Variants in ANK1 observed in about 807,000 individuals in gnomAD.
ANK1 encodes the protein ankyrin-1.
A neutral mutation model predicts 210.4 loss-of-function variants in ANK1; 51 were observed. That is an observed-to-expected ratio of 0.24 (90% confidence interval 0.19 to 0.31). ANK1 has a LOEUF of 0.31. Ranked by LOEUF, ANK1 falls within the 10% of genes least tolerant of loss-of-function variation. The pLI is 1.00. For missense variants in ANK1, 2,051 were observed against 2,504.4 expected (o/e 0.82, Z 3.86); for synonymous variants, 967 against 1,025.9 (o/e 0.94, Z 1.10).
intron 1 of ANK1, chr8:41,829,935 C>CAAAAAAAAAAAAAAAAAA: frequency 1.4e-5 from 1 of 71,598 alleles, no homozygotes; most frequent in African/African-American, 4.6e-5. Context: ...GACTCTGTCT[C>CAAAAAAAAAAAAAAAAAA]AAAAAAAAAA....
chr8:41,693,992 C>T lies in ANK1; in HGVS notation c.3438G>A (p.Gly1146=), dbSNP rs759692522. ...AGGAAGGAGGTAGTGGGATCCGAAG[C>T]CCAATGGGGCGGTGGAACTTCCGGC... is the stretch of plus-strand genomic sequence containing the variant. The part of the protein sequence containing the change: ...PRRRKFHRPI[G]LRIPLPPSWT... The change falls in exon 29 of 43, where the codon GGG becomes GGA. Residue 1146 remains glycine (G), a synonymous_variant. Coordinates refer to ENST00000289734, the MANE Select transcript of ANK1 (RefSeq NM_000037.4). The T allele has an allele frequency of 6.2e-7, 1 of 1,614,128 alleles. No individual in the cohort carries two copies. Among genetic ancestry groups the T allele is most frequent in the Non-Finnish European group, 8.5e-7 (1 of 1,180,010 alleles).
rs753931863 is a variant in ANK1, at chr8:41,695,311, G to A, written c.2981C>T (p.Pro994Leu). 3.7e-6 allele frequency: 6 copies of A among 1,614,010 alleles called. No homozygotes were observed. The highest frequency in any genetic ancestry group is 1.7e-5 in the Admixed American group (1 of 60,024). The stretch of plus-strand genomic sequence containing the variant: ...TCCACGGCCATGGGAGGCAAAGTGC[G>A]GGATCTCCACGATTACAGGGCTGAG... ...QFLSPVIVEI[P>L]HFASHGRGDR... The change falls in exon 27 of 43, where the codon CCG becomes CTG. Residue 994 changes from proline to leucine, a missense_variant. Pro to Leu is a moderately conservative substitution (Grantham distance 98). Coordinates refer to ENST00000289734, the MANE Select transcript of ANK1 (RefSeq NM_000037.4).
At position 41,655,402 on chromosome 8, in the gene ANK1, A is replaced by G. The variant is rs1452634990; in HGVS notation, c.*388T>C. On this transcript the variant is annotated 3_prime_UTR_variant, in exon 43 of 43. Coordinates refer to ENST00000289734, the MANE Select transcript of ANK1 (RefSeq NM_000037.4). ...ACGAAGTCAAAACAATTTAAAAAAA[A>G]AACCCCAAAACCAAAACCCATCCCC... 1 of 312,094 alleles carries G rather than the reference A, an allele frequency of 3.2e-6. No individual in the cohort carries two copies. The highest frequency in any genetic ancestry group is 5.9e-6 in the Non-Finnish European group (1 of 170,016). The allele number at this position is 312,094 out of a possible 1,614,324, so 19.3% of individuals were successfully genotyped here. A position where few individuals can be genotyped will look rare whatever the true frequency, so the allele number is the denominator to read the frequency against.
At chr8:41,738,996 T>C (rs573795960) in intron 2 of ANK1, among the ~76,000 whole-genome samples, 1 of 152,334 alleles carries the variant, frequency 6.6e-6, no homozygotes, top group East Asian at 1.9e-4. Flanking sequence ...TAACTACTTG[T>C]GGCCATTTTT....
intron 1 of ANK1, among the ~76,000 whole-genome samples, chr8:41,842,512 T>C (rs1417194035): frequency 6.6e-6 from 1 of 151,928 alleles, no homozygotes; most frequent in Non-Finnish European, 1.5e-5. Context: ...AAAAAATTTT[T>C]GGAATGAAGC....
intron 39 of ANK1, chr8:41,665,424 G>C (rs1344957657): frequency 2.0e-6 from 1 of 502,594 alleles, no homozygotes; most frequent in Non-Finnish European, 3.2e-6. Context: ...ACCCGCTGCT[G>C]CCTAACCCCG....
At chr8:41,663,451 A>T (rs1055638372) in intron 40 of ANK1, among the ~76,000 whole-genome samples, 2 of 152,180 alleles carry the variant, frequency 1.3e-5, no homozygotes, top group African/African-American at 4.8e-5. Context: ...GACTCAGACA[A>T]AGCGGTTGTG....
chr8:41,831,368 C>T (rs1480686873), intron 1 of ANK1, among the ~76,000 whole-genome samples: 8 of 152,154 alleles, frequency 5.3e-5, no homozygotes, highest in African/African-American at 1.7e-4. Context: ...CCCATGTTTG[C>T]CGGGCATGGT....
At chr8:41,870,728 G>C (rs990704238) in intron 1 of ANK1, among the ~76,000 whole-genome samples, 1 of 152,184 alleles carries the variant, frequency 6.6e-6, no homozygotes, top group Non-Finnish European at 1.5e-5. Flanking sequence ...GGGTGGGCCC[G>C]GCACACACGT....
At chr8:41,741,050 C>T (rs952184071) in intron 2 of ANK1, among the ~76,000 whole-genome samples, 9 of 152,148 alleles carry the variant, frequency 5.9e-5, no homozygotes, top group African/African-American at 1.9e-4. Flanking sequence ...ACCTGGGAGT[C>T]CCATTTACAG....
chr8:41,715,864 G>A lies in ANK1; in HGVS notation c.1405-15C>T, dbSNP rs1827525669. 1 of 1,613,992 alleles carries A rather than the reference G, an allele frequency of 6.2e-7. No homozygotes were observed. The highest frequency in any genetic ancestry group is 8.5e-7 in the Non-Finnish European group (1 of 1,180,014). On this transcript the variant is annotated splice_polypyrimidine_tract_variant and intron_variant, in intron 13 of 42. Coordinates refer to ENST00000289734, the MANE Select transcript of ANK1 (RefSeq NM_000037.4). The stretch of plus-strand genomic sequence containing the variant: ...GTCTGGTCATCCTGGACCCCGAAGG[G>A]AAAACAAAGAAGAAGAAACGCTAAT...
intron 1 of ANK1, among the ~76,000 whole-genome samples, chr8:41,887,764 A>G (rs1452058866): frequency 6.6e-6 from 1 of 152,262 alleles, no homozygotes; most frequent in Non-Finnish European, 1.5e-5. Context: ...TAAAGTGAAC[A>G]TAACACAACA....
At chr8:41,738,515 A>G (rs1300071907) in intron 2 of ANK1, among the ~76,000 whole-genome samples, 1 of 152,214 alleles carries the variant, frequency 6.6e-6, no homozygotes, top group Non-Finnish European at 1.5e-5. Flanking sequence ...GCAGGAGACC[A>G]CTTCTGATAT....
At chr8:41,896,516 C>T (rs1429721631) in exon 1 of ANK1, 7 of 1,565,936 alleles carry the variant, frequency 4.5e-6, no homozygotes, top group South Asian at 1.2e-5. Context: ...GCCTCCTGGA[C>T]CCCTAGCGCT....
rs1007262761 is a variant in ANK1 at position 41,668,528 on chromosome 8, T to G, written c.5133A>C (p.Ser1711=). ...QDWDADGSIV[S]YLQDAAQGSW... is the part of the protein sequence containing the mutation. ...AACCTTGTGCAGCATCTTGCAGGTA[T>G]GAGACAATCGAGCCGTCTGCATCCC... The change falls in exon 39 of 43, where the codon TCA becomes TCC. Residue 1711 remains serine (S), a synonymous_variant. Transcript: ENST00000289734. 2.5e-6 allele frequency: 4 copies of G among 1,613,992 alleles called. No homozygotes were observed. Among genetic ancestry groups the G allele is most frequent in the Non-Finnish European group, 3.4e-6 (4 of 1,179,968 alleles).
chr8:41,818,615 C>T (rs978674495), intron 1 of ANK1, among the ~76,000 whole-genome samples: 10 of 151,760 alleles, frequency 6.6e-5, no homozygotes, highest in Non-Finnish European at 1.3e-4. Flanking sequence ...CTTTCCCTTT[C>T]TTTCTCTCTC....
intron 1 of ANK1, among the ~76,000 whole-genome samples, chr8:41,894,662 T>C (rs1401155689): frequency 1.3e-5 from 2 of 152,038 alleles, no homozygotes; most frequent in Non-Finnish European, 2.9e-5. Flanking sequence ...AGTGAGCAGC[T>C]CGGAGAGGAG....
chr8:41,663,577 G>T, intron 40 of ANK1, 82 bp downstream of exon 40: 11 of 1,345,130 alleles, frequency 8.2e-6, no homozygotes, highest in African/African-American at 1.4e-5. Flanking sequence ...GGGCAGCAGG[G>T]AGAAGCCACT....
intron 20 of ANK1, among the ~76,000 whole-genome samples, chr8:41,703,460 T>A (rs1275868079): frequency 5.5e-5 from 5 of 90,804 alleles, no homozygotes; most frequent in Non-Finnish European, 7.2e-5. Flanking sequence ...ATTTTTTTTT[T>A]TTTTTTAAGA....
Sources: gnomAD v4.1 joint callset for allele counts (sites outside exome capture counted in the v4.1 genomes callset) on GRCh38, gnomAD v4.1.1 for gene constraint, MANE v1.5 for transcripts, NCBI Gene and HGNC (gene_info 2026-07-23, HGNC 2026-07-21) for gene names.